Variants in TRPM5 observed in about 807,000 individuals in gnomAD.
TRPM5 encodes transient receptor potential cation channel subfamily M member 5, also known as MLSN1 and TRP-related.
A neutral mutation model predicts 124.9 loss-of-function variants in TRPM5; 121 were observed. That is an observed-to-expected ratio of 0.97 (90% CI 0.84 to 1.13). The LOEUF is 1.13. Among genes scored for constraint, TRPM5 ranks in the 50% most tolerant of loss-of-function variants. The probability of loss-of-function intolerance (pLI) is 0.00; values close to 1 mark genes in which losing one functional copy is unlikely to be tolerated. For synonymous variants in TRPM5, 781 were observed against 700.5 expected, an observed-to-expected ratio of 1.11 and a Z score of -1.81; for missense variants, 1,643 against 1,589.1, an observed-to-expected ratio of 1.03 and a Z score of -0.58.
chr11:2,414,617 G>A, intron 11 of TRPM5, 98 bp downstream of exon 16: 1 of 1,419,584 alleles, frequency 7.0e-7, no homozygotes, highest in East Asian at 2.5e-5. Context: ...CCCCACGGCG[G>A]TAACAGGCAG....
intron 18 of TRPM5, among the ~76,000 whole-genome samples, chr11:2,409,258 A>G (rs189919692): frequency 1.0e-3 from 152 of 152,008 alleles, no homozygotes; most frequent in East Asian, 5.8e-3. Context: ...CAGCCCATGA[A>G]TCTGTTCCTG....
At chr11:2,413,583 G>A (rs147782907) in exon 13 of TRPM5, 14 of 1,612,134 alleles carry the variant, frequency 8.7e-6, no homozygotes, top group Admixed American at 3.3e-5. Context: ...TCCTGGTCAG[G>A]AAGGCCTGAG....
exon 19 of TRPM5, chr11:2,407,821 C>G: frequency 1.9e-6 from 3 of 1,613,942 alleles, no homozygotes; most frequent in Non-Finnish European, 2.5e-6. Context: ...AGGTGACCAG[C>G]AGGAGGATGA....
chr11:2,432,599 G>A, the TRPM5 span, among the ~76,000 whole-genome samples: 1 of 152,242 alleles, frequency 6.6e-6, no homozygotes, highest in East Asian at 1.9e-4. Context: ...CTGCAGGCTG[G>A]CTCCCCACCT....
In TRPM5 at chr11:2,406,141, C is replaced by T. The variant is rs758955389; in HGVS notation, c.3252-50G>A. The stretch of plus-strand genomic sequence containing the variant: ...CTGTGGATGGCCACGCGGTGCTCTG[C>T]GTGTGGGGAGCCTCCCCATCCCCCC... On this transcript the variant is annotated intron_variant, in intron 21 of 23. Transcript: ENST00000155858. 2.9e-5 allele frequency: 46 copies of T among 1,597,092 alleles called. No individual in the cohort carries two copies. The South Asian group carries it at 3.3e-4, about 11-fold the overall frequency.
At chr11:2,422,083 CAG>C in intron 2 of TRPM5, 56 bp downstream of exon 7, 1 of 1,505,938 alleles carries the variant, frequency 6.6e-7, no homozygotes, top group Non-Finnish European at 8.9e-7. Context: ...CGGGGACAGT[CAG>C]GGGGTCGGGC....
At chr11:2,404,820 C>G (rs1850279592) in exon 24 of TRPM5, 2 of 787,202 alleles carry the variant, frequency 2.5e-6, no homozygotes, top group Non-Finnish European at 2.1e-6. Context: ...GGGCCATTGT[C>G]TGCTGGGGGG....
chr11:2,404,745 C>G (rs1850278007), exon 24 of TRPM5: 1 of 568,612 alleles, frequency 1.8e-6, no homozygotes, highest in Non-Finnish European at 3.1e-6. Flanking sequence ...TGCTGTGCCT[C>G]CGGGGAGGCC....
intron 23 of TRPM5, 30 bp downstream of exon 28, chr11:2,405,497 C>T (rs766769483): frequency 2.6e-6 from 4 of 1,550,376 alleles, no homozygotes; most frequent in East Asian, 2.4e-5. Flanking sequence ...CCATGCCCAC[C>T]CTCATCCCAC....
intron 19 of TRPM5, among the ~76,000 whole-genome samples, chr11:2,407,526 C>A (rs1850348170): frequency 6.6e-6 from 1 of 152,206 alleles, no homozygotes; most frequent in Non-Finnish European, 1.5e-5. Flanking sequence ...CAGCACCGGT[C>A]CCCCAAAGAC....
chr11:2,415,363 C>A, exon 9 of TRPM5: 1 of 1,588,156 alleles, frequency 6.3e-7, no homozygotes, highest in East Asian at 2.3e-5. Context: ...TGCAGCCGCC[C>A]ATACGTCAGG....
At chr11:2,441,386 C>T in the TRPM5 span, among the ~76,000 whole-genome samples, 1 of 152,092 alleles carries the variant, frequency 6.6e-6, no homozygotes, top group African/African-American at 2.4e-5. This position sits in a 1 kb window ranked among gnomAD's most constrained non-coding sequence, Gnocchi z 7.2. Context: ...CCTACCAGGC[C>T]ATCCACCCTT....
chr11:2,418,357 C>G (rs950797252), exon 6 of TRPM5: 3 of 1,548,186 alleles, frequency 1.9e-6, no homozygotes, highest in Non-Finnish European at 1.7e-6. Flanking sequence ...CCTGGAGATC[C>G]TCTGAGACGG....
intron 20 of TRPM5, 118 bp downstream of exon 25, chr11:2,407,001 G>T: frequency 7.4e-7 from 1 of 1,347,810 alleles, no homozygotes; most frequent in Non-Finnish European, 9.8e-7. Flanking sequence ...CCCAGCTGAG[G>T]ACCCACAGGG....
exon 15 of TRPM5, chr11:2,412,818 G>A: frequency 6.2e-7 from 1 of 1,603,938 alleles, no homozygotes; most frequent in South Asian, 1.1e-5. Context: ...GGGCCCTGAG[G>A]GGCCCTGGGG....
intron 16 of TRPM5, 137 bp downstream of exon 21, chr11:2,411,998 C>T: frequency 2.2e-6 from 2 of 924,768 alleles, no homozygotes; most frequent in Non-Finnish European, 3.4e-6. Context: ...ACTTCCCTGG[C>T]TCAAGTGACC....
the TRPM5 span, among the ~76,000 whole-genome samples, chr11:2,434,262 C>T: frequency 6.3e-4 from 89 of 141,466 alleles, no homozygotes; most frequent in East Asian, 0.016. Context: ...ACTGTGTGTG[C>T]GTCTGTGTGG....
intron 2 of TRPM5, 85 bp from the exon 8 acceptor site, chr11:2,421,283 C>A: frequency 7.0e-7 from 1 of 1,431,772 alleles, no homozygotes; most frequent in Non-Finnish European, 9.2e-7. Context: ...TAGGCCCAAT[C>A]AGCAGCCAGT....
In TRPM5 at chr11:2,415,447, C is replaced by T. The variant is rs750645331; in HGVS notation, c.1153G>A (p.Val385Met). ...GGCTTGTTGCTGACCAGGGCGTCCACCATCACCTCCTCCAGGTCACAGGAC... is the reference window on the plus strand; with the variant it reads ...GGCTTGTTGCTGACCAGGGCGTCCATCATCACCTCCTCCAGGTCACAGGAC... The change falls in exon 9 of 24, where the codon GTG becomes ATG. Residue 385 changes from valine (V) to methionine (M), a missense_variant. Transcript: ENST00000155858. The T allele has an allele frequency of 2.5e-6, 4 of 1,580,674 alleles. No homozygotes were observed. Among genetic ancestry groups the T allele is most frequent in the Admixed American group, 1.7e-5 (1 of 58,852 alleles).
Sources: gnomAD v4.1 joint callset for allele counts (sites outside exome capture counted in the v4.1 genomes callset) on GRCh38, gnomAD v4.1.1 for gene constraint, Gnocchi (gnomAD v3.1) non-coding constraint, MANE v1.5 for transcripts, NCBI Gene and HGNC (gene_info 2026-07-23, HGNC 2026-07-21) for gene names.